ARID1B: variants seen among roughly 807,000 people sequenced by gnomAD.
The protein encoded by ARID1B is AT-rich interaction domain 1B, also known as AT-rich interactive domain-containing protein 1B.
In ARID1B, 30 loss-of-function variants were observed where a neutral mutation model predicts 212.3. That is an observed-to-expected ratio of 0.14 (90% CI 0.11 to 0.19). ARID1B has a LOEUF of 0.19. ARID1B is among the 10% of genes least tolerant of loss of function. The pLI, the probability that ARID1B is intolerant of heterozygous loss-of-function variation, is 1.00. For synonymous variants in ARID1B, 1,402 were observed against 1,301.7 expected, an observed-to-expected ratio of 1.08 and a Z score of -1.66; for missense variants, 2,891 against 3,204.0, an observed-to-expected ratio of 0.90 and a Z score of 2.36.
chr6:157,081,394 T>C (rs1379665001), intron 4 of ARID1B, among the ~76,000 whole-genome samples: 3 of 152,246 alleles, frequency 2.0e-5, no homozygotes, highest in Non-Finnish European at 4.4e-5. Flanking sequence ...ACTTCTTTTA[T>C]TAGCATGTTT....
chr6:156,936,437 T>C (rs549944243), intron 4 of ARID1B: 8 of 151,958 alleles, frequency 5.3e-5, no homozygotes, highest in Non-Finnish European at 8.8e-5. Flanking sequence ...TAGTGGCTAT[T>C]ATATGGGGTA....
chr6:156,785,630 G>A (rs758626228), intron 1 of ARID1B, among the ~76,000 whole-genome samples: 11 of 151,900 alleles, frequency 7.2e-5, no homozygotes, highest in Admixed American at 3.3e-4. Flanking sequence ...TGTCATTGTT[G>A]TGTGGCTGTC....
chr6:156,857,751 C>CA (rs1270742934), intron 2 of ARID1B, among the ~76,000 whole-genome samples: 4 of 152,188 alleles, frequency 2.6e-5, no homozygotes, highest in Non-Finnish European at 5.9e-5. Context: ...AATGTGTCAT[C>CA]AGACAGTGTA....
Position 156,807,057 on chromosome 6 carries a change from A to G in ARID1B, c.1792-22170A>G, listed in dbSNP as rs1004626313. On this transcript the variant is annotated intron_variant, in intron 1 of 19. Coordinates refer to ENST00000636930, the MANE Select transcript of ARID1B (RefSeq NM_001374828.1). ...TCCTACAAAAACCAAGCGGTGGACC[A>G]GATTTGTCTGGAGGACCGCAGCTTG... is the stretch of plus-strand genomic sequence containing the variant. 7.2e-5 allele frequency among the ~76,000 whole-genome samples: 11 copies of G among 152,336 alleles called. No homozygotes were observed. The East Asian group carries it at 1.9e-3, about 27-fold the overall frequency.
At chr6:157,015,097 C>T (rs542045522) in intron 4 of ARID1B, among the ~76,000 whole-genome samples, 6 of 152,222 alleles carry the variant, frequency 3.9e-5, no homozygotes, top group South Asian at 2.1e-4. Flanking sequence ...ATGCCCTGCA[C>T]GTCGTAGCTA....
chr6:156,845,778 C>T (rs1180610069), intron 2 of ARID1B, among the ~76,000 whole-genome samples: 1 of 152,016 alleles, frequency 6.6e-6, no homozygotes, highest in Non-Finnish European at 1.5e-5. Flanking sequence ...GGTATTATTC[C>T]TTTGATAATT....
intron 4 of ARID1B, among the ~76,000 whole-genome samples, chr6:157,039,646 TTTCCTTCCTTCCTTCCTTCCTTCCTTCC>T (rs1273287334): frequency 1.7e-5 from 1 of 59,270 alleles, no homozygotes; most frequent in South Asian, 6.8e-4. Flanking sequence ...TCCTTCCTTC[TTTCCTTCCTTCCTTCCTTCCTTCCTTCC>T]TTCCTTCCTT....
chr6:157,065,555 G>A (rs1783624085), intron 4 of ARID1B, among the ~76,000 whole-genome samples: 1 of 152,180 alleles, frequency 6.6e-6, no homozygotes, highest in Non-Finnish European at 1.5e-5. Context: ...CCCAGAACTG[G>A]TAAATGAACC....
chr6:156,916,243 CTTG>C (rs1235706228), intron 3 of ARID1B, among the ~76,000 whole-genome samples: 1 of 152,250 alleles, frequency 6.6e-6, no homozygotes, highest in Admixed American at 6.5e-5. Flanking sequence ...TCCACAACTT[CTTG>C]TTGTTTACAT....
chr6:156,803,900 C>T (rs117473838), intron 1 of ARID1B, among the ~76,000 whole-genome samples: 4,751 of 152,136 alleles, frequency 0.031, 317 homozygotes, highest in Admixed American at 0.17. Context: ...TACGTGGTTG[C>T]TAAGAGAGCT....
intron 6 of ARID1B, among the ~76,000 whole-genome samples, chr6:157,124,597 T>C (rs576286613): frequency 2.5e-4 from 38 of 152,312 alleles, no homozygotes; most frequent in African/African-American, 8.9e-4. Context: ...ACCATCTTGT[T>C]TTTTAAGCTA....
At chr6:157,041,735 A>G (rs1781890242) in intron 4 of ARID1B, among the ~76,000 whole-genome samples, 1 of 152,172 alleles carries the variant, frequency 6.6e-6, no homozygotes. Context: ...CAGCAGTGTC[A>G]GCCCCAGCAC....
chr6:157,126,690 T>C (rs1267521249), intron 6 of ARID1B, among the ~76,000 whole-genome samples: 3 of 152,224 alleles, frequency 2.0e-5, no homozygotes, highest in Non-Finnish European at 4.4e-5. Context: ...TAGTGCTTTG[T>C]CTAAAGTTTG....
intron 4 of ARID1B, among the ~76,000 whole-genome samples, chr6:157,076,392 A>G (rs918917337): frequency 6.6e-6 from 1 of 151,670 alleles, no homozygotes; most frequent in African/African-American, 2.4e-5. Flanking sequence ...CAGGTACAAT[A>G]GTGTCCTACA....
chr6:156,820,046 G>T (rs1782244731), intron 1 of ARID1B, among the ~76,000 whole-genome samples: 1 of 152,144 alleles, frequency 6.6e-6, no homozygotes, highest in South Asian at 2.1e-4. Flanking sequence ...TATCTGGGTG[G>T]ATGGGGTGTC....
chr6:156,928,525 A>G (rs1269514235), intron 3 of ARID1B, among the ~76,000 whole-genome samples: 1 of 152,182 alleles, frequency 6.6e-6, no homozygotes, highest in Non-Finnish European at 1.5e-5. Flanking sequence ...CACTCTCTCC[A>G]GAGGTCCAAA....
chr6:157,000,422 A>G (rs1028153414), intron 4 of ARID1B, among the ~76,000 whole-genome samples: 1 of 152,256 alleles, frequency 6.6e-6, no homozygotes, highest in Admixed American at 6.5e-5. Flanking sequence ...ACAGTAAAGT[A>G]AATGTAAAAA....
intron 4 of ARID1B, among the ~76,000 whole-genome samples, chr6:156,952,611 A>T (rs1793668512): frequency 6.6e-6 from 1 of 152,126 alleles, no homozygotes; most frequent in African/African-American, 2.4e-5. Flanking sequence ...GGGGGCAGGG[A>T]TCTTGACACC....
intron 4 of ARID1B, among the ~76,000 whole-genome samples, chr6:157,037,248 A>AT: frequency 1.3e-5 from 2 of 152,182 alleles, no homozygotes. Context: ...TTATTCATTG[A>AT]TTTATTAAAC....
Sources: allele counts gnomAD v4.1 joint callset (sites outside exome capture counted in the v4.1 genomes callset), GRCh38; gene constraint gnomAD v4.1.1; transcripts MANE v1.5; gene names NCBI Gene and HGNC (gene_info 2026-07-23, HGNC 2026-07-21).